SLC35F4: variants seen among roughly 807,000 people sequenced by gnomAD.
The protein encoded by SLC35F4 is chromosome 14 open reading frame 36.
Under a neutral mutation model 44.2 loss-of-function variants are expected in SLC35F4, and 24 were observed. The ratio of observed to expected loss-of-function variants is 0.54; its 90% CI spans 0.39 to 0.76. SLC35F4 has a LOEUF of 0.76. Among genes scored for constraint, SLC35F4 ranks in the 30% least tolerant of loss-of-function variants. SLC35F4 has a pLI of 0.00. For missense variants in SLC35F4, 562 were observed against 586.1 expected, an observed-to-expected ratio of 0.96 and a Z score of 0.42; for synonymous variants, 238 against 223.6, an observed-to-expected ratio of 1.06 and a Z score of -0.57.
rs150571003 is a variant in SLC35F4 at position 57,917,539 on chromosome 14, T to C, written n.282+64374A>G. ...TCTTTTTTGCCTTCAATGTGACTTG[T>C]AAATTTTACTGAAAGGCAGACATGA... On this transcript the variant is annotated intron_variant and non_coding_transcript_variant, in intron 1 of 1. Transcript: ENST00000556568. 1.2e-4 allele frequency among the ~76,000 whole-genome samples: 19 copies of C among 152,294 alleles called. No homozygotes were observed. In the East Asian group the frequency reaches 3.5e-3, roughly 28 times the overall value.
chr14:57,735,259 A>G (rs926177226), intron 1 of SLC35F4, among the ~76,000 whole-genome samples: 3 of 152,216 alleles, frequency 2.0e-5, no homozygotes, highest in Non-Finnish European at 2.9e-5. Context: ...CCCTATTTTA[A>G]AAGCCTAAAT....
intron 1 of SLC35F4, among the ~76,000 whole-genome samples, chr14:57,609,280 G>T (rs1235734996): frequency 4.6e-5 from 7 of 152,128 alleles, no homozygotes; most frequent in African/African-American, 1.7e-4. Flanking sequence ...TAAAAATCAG[G>T]CATGTTTTTG....
At chr14:57,666,641 A>T (rs1203469038) in intron 1 of SLC35F4, among the ~76,000 whole-genome samples, 1 of 152,178 alleles carries the variant, frequency 6.6e-6, no homozygotes, top group African/African-American at 2.4e-5. Flanking sequence ...GGTTTGTGAT[A>T]ATTTGTTACA....
chr14:57,746,570 AT>A (rs2140537527), intron 1 of SLC35F4, among the ~76,000 whole-genome samples: 1 of 152,112 alleles, frequency 6.6e-6, no homozygotes, highest in African/African-American at 2.4e-5. Context: ...TATTTTTTGT[AT>A]CTATTTCATG....
intron 1 of SLC35F4, among the ~76,000 whole-genome samples, chr14:57,739,376 C>G (rs962641887): frequency 6.6e-6 from 1 of 152,190 alleles, no homozygotes; most frequent in African/African-American, 2.4e-5. Flanking sequence ...CTTTTATTGA[C>G]TGCTGGAAGG....
intron 1 of SLC35F4, among the ~76,000 whole-genome samples, chr14:57,688,832 G>A (rs1038604197): frequency 6.6e-6 from 1 of 151,996 alleles, no homozygotes; most frequent in African/African-American, 2.4e-5. Context: ...TTATTACAAA[G>A]GGCTCCTCAT....
intron 1 of SLC35F4, among the ~76,000 whole-genome samples, chr14:57,736,609 G>A (rs1187695361): frequency 2.0e-5 from 3 of 152,178 alleles, no homozygotes; most frequent in African/African-American, 7.2e-5. Flanking sequence ...GCAACAAGTG[G>A]ATGGGTCATG....
rs74586898 is a variant in SLC35F4, at chr14:57,840,357, A to T, written c.103+25366T>A. Among the ~76,000 whole-genome samples the T allele has an allele frequency of 7.7e-4, 117 of 152,360 alleles. 1 individual carries two copies. The East Asian group carries it at 0.019, about 25-fold the overall frequency. ...TACTCACAGACTTTAAAGTAATGGC[A>T]TATTGACTTGAGCTCCAATAGATTA... is the stretch of plus-strand genomic sequence containing the variant. On this transcript the variant is annotated intron_variant, in intron 1 of 7. Transcript: ENST00000556826.
chr14:57,728,022 T>C (rs1206410177), intron 1 of SLC35F4, among the ~76,000 whole-genome samples: 1 of 152,226 alleles, frequency 6.6e-6, no homozygotes, highest in African/African-American at 2.4e-5. Flanking sequence ...TTTATCTCTC[T>C]CTTCAGCTCT....
chr14:57,770,452 T>C (rs1318157537), intron 1 of SLC35F4, among the ~76,000 whole-genome samples: 2 of 152,222 alleles, frequency 1.3e-5, no homozygotes, highest in Non-Finnish European at 2.9e-5. Flanking sequence ...ATTTTCAGCT[T>C]AGTCCTCATC....
chr14:57,784,487 C>G (rs1364726918), intron 1 of SLC35F4, among the ~76,000 whole-genome samples: 1 of 152,192 alleles, frequency 6.6e-6, no homozygotes, highest in African/African-American at 2.4e-5. Context: ...AGGTCAAGAC[C>G]AGCCTGGGCT....
chr14:57,584,221 T>TATAA lies in SLC35F4; in HGVS notation c.588-2792_588-2789dup, dbSNP rs199859604. On this transcript the variant is annotated intron_variant, in intron 3 of 7. Transcript: ENST00000556826. Reference sequence around the variant, plus strand: ...GAGGCAATTGAATTCTCTTGTAGTATATAAATGATTATAAAAAACTACTTC... The same window carrying TATAA: ...GAGGCAATTGAATTCTCTTGTAGTATATAAATAAATGATTATAAAAAACTACTTC... 2.3e-4 allele frequency among the ~76,000 whole-genome samples: 35 copies of TATAA among 152,310 alleles called. No individual in the cohort carries two copies. The East Asian group carries it at 6.7e-3, about 29-fold the overall frequency.
In SLC35F4 at chr14:57,669,796, T is replaced by G. The variant is rs535928626; in HGVS notation, c.104-75672A>C. Among the ~76,000 whole-genome samples, 412 of 152,218 alleles carry G rather than the reference T, an allele frequency of 2.7e-3. 7 individuals carry two copies. Among genetic ancestry groups the G allele is most frequent in the African/African-American group, 9.7e-3 (403 of 41,458 alleles). On this transcript the variant is annotated intron_variant, in intron 1 of 7. Coordinates refer to ENST00000556826, the MANE Select transcript of SLC35F4 (RefSeq NM_001306087.2). ...GGGATATTGGTCTAAAATTCTCTTTTTTGTTGTGTCTCTGCCAGGCTTTGG... is the reference window on the plus strand; with the variant it reads ...GGGATATTGGTCTAAAATTCTCTTTGTTGTTGTGTCTCTGCCAGGCTTTGG...
intron 1 of SLC35F4, among the ~76,000 whole-genome samples, chr14:57,791,456 C>T (rs749023477): frequency 2.0e-5 from 3 of 152,174 alleles, no homozygotes; most frequent in African/African-American, 4.8e-5. Flanking sequence ...GTTAGAATGG[C>T]GATCATTAAA....
intron 2 of SLC35F4, among the ~76,000 whole-genome samples, chr14:57,590,748 G>T (rs1184578984): frequency 6.6e-6 from 1 of 152,122 alleles, no homozygotes; most frequent in Non-Finnish European, 1.5e-5. Flanking sequence ...TGTCTCCAAA[G>T]ACCCCACTTA....
intron 1 of SLC35F4, among the ~76,000 whole-genome samples, chr14:57,841,787 G>A (rs759899167): frequency 1.3e-5 from 2 of 152,010 alleles, no homozygotes; most frequent in Admixed American, 6.6e-5. Context: ...GCAAGATATC[G>A]CTCATGATCC....
chr14:57,593,922 G>A lies in SLC35F4; in HGVS notation c.289+17C>T. ...TACTAGGATGTACCGTTATTTAAGA[G>A]GAGGTCACCCACATACCTGATCTGT... is the stretch of plus-strand genomic sequence containing the variant. On this transcript the variant is annotated intron_variant, in intron 2 of 7. Transcript: ENST00000556826. 1.2e-6 allele frequency: 2 copies of A among 1,611,658 alleles called. No individual in the cohort carries two copies. The highest frequency in any genetic ancestry group is 1.1e-5 in the South Asian group (1 of 90,706).
chr14:57,748,032 T>TG (rs1323497843), intron 1 of SLC35F4, among the ~76,000 whole-genome samples: 7 of 152,326 alleles, frequency 4.6e-5, no homozygotes, highest in African/African-American at 1.4e-4. Flanking sequence ...CTAAAAATGA[T>TG]GGAGTGCCTG....
At chr14:57,642,014 A>G (rs1566716894) in intron 1 of SLC35F4, among the ~76,000 whole-genome samples, 1 of 152,056 alleles carries the variant, frequency 6.6e-6, no homozygotes, top group Non-Finnish European at 1.5e-5. Context: ...CCATTGCATT[A>G]ACACAAATAC....
Sources: allele counts gnomAD v4.1 joint callset (sites outside exome capture counted in the v4.1 genomes callset), GRCh38; gene constraint gnomAD v4.1.1; transcripts MANE v1.5; gene names NCBI Gene and HGNC (gene_info 2026-07-23, HGNC 2026-07-21).